GLS: variants seen among roughly 807,000 people sequenced by gnomAD.
The protein encoded by GLS is glutaminase kidney isoform, mitochondrial.
A neutral mutation model predicts 86.7 loss-of-function variants in GLS; 36 were observed. The observed-to-expected ratio is 0.42, with a 90% CI of 0.32 to 0.55. The LOEUF is 0.55. Among genes scored for constraint, GLS ranks in the 20% least tolerant of loss-of-function variants. The probability of loss-of-function intolerance (pLI) is 0.17; values close to 1 mark genes in which losing one functional copy is unlikely to be tolerated. For synonymous variants in GLS, 317 were observed against 305.9 expected (o/e 1.04, Z -0.38); for missense variants, 528 against 833.4 (o/e 0.63, Z 4.51).
rs1417368645 is a variant in GLS at position 190,964,063 on chromosome 2, C to T, written c.*1077C>T. 1.3e-5 allele frequency: 2 copies of T among 151,936 alleles called. No individual in the cohort carries two copies. The highest frequency in any genetic ancestry group is 4.8e-5 in the African/African-American group (2 of 41,378). The allele number at this position is 151,936 out of a possible 1,614,324, so 9.4% of individuals were successfully genotyped here. ...GAGATTTGTCCTCCTTGGGGGACCA[C>T]TGGATCATTCCAGATTTCTTGTGAT... On this transcript the variant is annotated 3_prime_UTR_variant, in exon 18 of 18. Transcript: ENST00000320717. The surrounding 1 kb of genome is among the most constrained non-coding windows in gnomAD (Gnocchi z 5.2).
rs751046940 is a variant in GLS, at chr2:190,881,174, C to G, written c.90C>G (p.Pro30=). The G allele has an allele frequency of 6.7e-7, 1 of 1,494,156 alleles. No homozygotes were observed. Among genetic ancestry groups the G allele is most frequent in the Non-Finnish European group, 8.9e-7 (1 of 1,127,966 alleles). The allele number at this position is 1,494,156 out of a possible 1,614,324, so 92.6% of individuals were successfully genotyped here. ...GCGCGACTCTGCGGCGGGCACAGCC[C>G]TTGGTCACCCTGTGCCGGCGTCCCC... ...GVSATLRRAQ[P]LVTLCRRPRG... Residue 30 remains proline, a synonymous_variant, in exon 1 of 18, where the codon CCC becomes CCG. Coordinates refer to ENST00000320717, the MANE Select transcript of GLS (RefSeq NM_014905.5).
rs114129566 is a variant in GLS, at chr2:190,900,133, C to T, written c.606-431C>T. Reference sequence around the variant, plus strand: ...AAATGTTTAATTTTTGAATGAAATGCTAGTAATAGTTATATAAGAACTAAG... The same window carrying T: ...AAATGTTTAATTTTTGAATGAAATGTTAGTAATAGTTATATAAGAACTAAG... On this transcript the variant is annotated intron_variant, in intron 3 of 17. Coordinates refer to ENST00000320717, the MANE Select transcript of GLS (RefSeq NM_014905.5). 3.9e-3 allele frequency among the ~76,000 whole-genome samples: 587 copies of T among 152,132 alleles called. 7 individuals carry two copies. The highest frequency in any genetic ancestry group is 0.013 in the African/African-American group (546 of 41,532).
At chr2:190,919,468 A>G (rs1452146987) in intron 7 of GLS, among the ~76,000 whole-genome samples, 1 of 152,144 alleles carries the variant, frequency 6.6e-6, no homozygotes, top group Non-Finnish European at 1.5e-5. Context: ...AATGAAGTTC[A>G]ACATAACTTG....
At chr2:190,957,243 C>T (rs961494793) in intron 17 of GLS, among the ~76,000 whole-genome samples, 10 of 152,080 alleles carry the variant, frequency 6.6e-5, no homozygotes, top group Non-Finnish European at 1.3e-4. Context: ...GGCGTGTGCC[C>T]ACCACAGCCA....
chr2:190,930,388 CTTA>C lies in GLS; in HGVS notation c.1426-46_1426-44del, dbSNP rs1690070868. 4.3e-6 allele frequency: 6 copies of C among 1,404,266 alleles called. No homozygotes were observed. The highest frequency in any genetic ancestry group is 6.1e-6 in the Non-Finnish European group (6 of 991,714). The allele number at this position is 1,404,266 out of a possible 1,614,324, so 87.0% of individuals were successfully genotyped here. A position where few individuals can be genotyped will look rare whatever the true frequency, so the allele number is the denominator to read the frequency against. ...TTCCCTATTGTTGAACATAACATTT[CTTA>C]TTTTAAAATGTTTACCTGAATACTC... On this transcript the variant is annotated intron_variant, in intron 12 of 17. Transcript: ENST00000320717. This position sits in a 1 kb window ranked among gnomAD's most constrained non-coding sequence, Gnocchi z 5.0.
At chr2:190,910,821 T>C (rs1341601350) in intron 7 of GLS, among the ~76,000 whole-genome samples, 2 of 151,584 alleles carry the variant, frequency 1.3e-5, no homozygotes, top group African/African-American at 4.8e-5. Flanking sequence ...ACAGTTTTTA[T>C]TGGAACTTGT....
At chr2:190,936,855 C>T (rs770218132) in intron 14 of GLS, among the ~76,000 whole-genome samples, 2 of 151,204 alleles carry the variant, frequency 1.3e-5, no homozygotes, top group Non-Finnish European at 1.5e-5. Context: ...TTTTACTATT[C>T]ATCTGTAAAA....
At chr2:190,885,118 A>G (rs923724771) in intron 1 of GLS, among the ~76,000 whole-genome samples, 1 of 152,214 alleles carries the variant, frequency 6.6e-6, no homozygotes, top group African/African-American at 2.4e-5. Context: ...TTATGTTTTG[A>G]TAGTTCAGCT....
At position 190,905,582 on chromosome 2, in the gene GLS, T is replaced by C. The variant is rs1392877878; in HGVS notation, c.979+415T>C. On this transcript the variant is annotated intron_variant, in intron 6 of 17. Coordinates refer to ENST00000320717, the MANE Select transcript of GLS (RefSeq NM_014905.5). This position sits in a 1 kb window ranked among gnomAD's most constrained non-coding sequence, Gnocchi z 4.6. Reference sequence around the variant, plus strand: ...TTGTATATAGTAGTTGAAAGTTTTATTGTGGCCCTGGTTGAGATAGTGAGG... The same window carrying C: ...TTGTATATAGTAGTTGAAAGTTTTACTGTGGCCCTGGTTGAGATAGTGAGG... Among the ~76,000 whole-genome samples, 1 of 152,258 alleles carries C rather than the reference T, an allele frequency of 6.6e-6. No homozygotes were observed. The highest frequency in any genetic ancestry group is 1.9e-4 in the East Asian group (1 of 5,190).
chr2:190,895,853 C>G lies in GLS; in HGVS notation c.605+128C>G, dbSNP rs765245856. The G allele has an allele frequency of 1.6e-6, 1 of 639,480 alleles. No individual in the cohort carries two copies. Among genetic ancestry groups the G allele is most frequent in the South Asian group, 2.7e-5 (1 of 37,672 alleles). 39.6% of individuals were successfully genotyped at this position (639,480 alleles called of 1,614,324 possible). A position where few individuals can be genotyped will look rare whatever the true frequency, so the allele number is the denominator to read the frequency against. ...ATGGAAAAAGGGGATTTATAAACAT[C>G]ATTTGTTTGAAGAACTTGGTACATA... On this transcript the variant is annotated intron_variant, in intron 3 of 17. Coordinates refer to ENST00000320717, the MANE Select transcript of GLS (RefSeq NM_014905.5). This position sits in a 1 kb window ranked among gnomAD's most constrained non-coding sequence, Gnocchi z 4.2.
At chr2:190,941,171 TC>T (rs1690416848) in intron 14 of GLS, among the ~76,000 whole-genome samples, 1 of 152,150 alleles carries the variant, frequency 6.6e-6, no homozygotes, top group Admixed American at 6.5e-5. Flanking sequence ...ACAAGTATGA[TC>T]CAACTTGTGT....
chr2:190,887,902 C>T (rs779270250), intron 1 of GLS, among the ~76,000 whole-genome samples: 17 of 151,992 alleles, frequency 1.1e-4, no homozygotes, highest in Non-Finnish European at 1.8e-4. Context: ...AATGTTATAA[C>T]GGCCAAAAGT....
In GLS at chr2:190,914,186, T is replaced by G. The variant is rs1395115191; in HGVS notation, c.1038+3865T>G. Among the ~76,000 whole-genome samples the G allele has an allele frequency of 6.6e-6, 1 of 151,998 alleles. No homozygotes were observed. Among genetic ancestry groups the G allele is most frequent in the Non-Finnish European group, 1.5e-5 (1 of 67,990 alleles). Reference sequence around the variant, plus strand: ...TATTTTTGAATTTTAAAAATTAGGGTTTTTTTTCTTTCTCTTTAAACAATT... The same window carrying G: ...TATTTTTGAATTTTAAAAATTAGGGGTTTTTTTCTTTCTCTTTAAACAATT... On this transcript the variant is annotated intron_variant, in intron 7 of 17. Transcript: ENST00000320717. This position sits in a 1 kb window ranked among gnomAD's most constrained non-coding sequence, Gnocchi z 4.4.
chr2:190,906,254 T>C (rs1689132644), intron 6 of GLS, among the ~76,000 whole-genome samples: 1 of 152,138 alleles, frequency 6.6e-6, no homozygotes, highest in Non-Finnish European at 1.5e-5. Flanking sequence ...TACCAAATAT[T>C]TTAAAAGAAA....
chr2:190,963,692 G>A lies in GLS; in HGVS notation c.*706G>A, dbSNP rs1691057553. ...TCTCTTCTCAGACATTTAGCTATCT[G>A]CCTCTTTCCTTTAGCTGGGAAAGTG... On this transcript the variant is annotated 3_prime_UTR_variant, in exon 18 of 18. Coordinates refer to ENST00000320717, the MANE Select transcript of GLS (RefSeq NM_014905.5). 1 of 152,518 alleles carries A rather than the reference G, an allele frequency of 6.6e-6. No individual in the cohort carries two copies. The highest frequency in any genetic ancestry group is 2.4e-5 in the African/African-American group (1 of 41,412). 9.4% of individuals were successfully genotyped at this position (152,518 alleles called of 1,614,324 possible). A position where few individuals can be genotyped will look rare whatever the true frequency, so the allele number is the denominator to read the frequency against.
At chr2:190,907,091 A>T (rs1004784288) in intron 6 of GLS, among the ~76,000 whole-genome samples, 2 of 151,394 alleles carry the variant, frequency 1.3e-5, no homozygotes, top group African/African-American at 4.9e-5. Context: ...CGCCTGGCTA[A>T]TTTTTTGTAT....
At position 190,881,039 on chromosome 2, in the gene GLS, C is replaced by T. The variant is rs1319451691; in HGVS notation, c.-46C>T. On this transcript the variant is annotated 5_prime_UTR_variant, in exon 1 of 18. Coordinates refer to ENST00000320717, the MANE Select transcript of GLS (RefSeq NM_014905.5). ...CCCCGAGGAAACCGGCCGCCCACGC[C>T]CGGAGCATCCTCCCCTGTTGAGCGG... 8 of 1,524,788 alleles carry T rather than the reference C, an allele frequency of 5.2e-6. No individual in the cohort carries two copies. In the South Asian group the frequency reaches 7.2e-5, roughly 14 times the overall value. 94.5% of individuals were successfully genotyped at this position (1,524,788 alleles called of 1,614,324 possible).
At chr2:190,885,015 A>G (rs959318653) in intron 1 of GLS, among the ~76,000 whole-genome samples, 4 of 152,202 alleles carry the variant, frequency 2.6e-5, no homozygotes, top group Non-Finnish European at 5.9e-5. Flanking sequence ...AAATATTTGT[A>G]ATTACACAAA....
intron 1 of GLS, among the ~76,000 whole-genome samples, chr2:190,891,567 A>C (rs1688562916): frequency 6.6e-6 from 1 of 152,256 alleles, no homozygotes; most frequent in East Asian, 1.9e-4. Context: ...AAATAGTGTA[A>C]AACTAATTTA....
Sources: allele counts gnomAD v4.1 joint callset (sites outside exome capture counted in the v4.1 genomes callset), GRCh38; gene constraint gnomAD v4.1.1; non-coding constraint Gnocchi (gnomAD v3.1); transcripts MANE v1.5; gene names NCBI Gene and HGNC (gene_info 2026-07-23, HGNC 2026-07-21).